PPIG: variants seen among roughly 807,000 people sequenced by gnomAD.
PPIG encodes the protein peptidylprolyl isomerase G.
In PPIG, 26 loss-of-function variants were observed where a neutral mutation model predicts 87.9. That is an observed-to-expected ratio of 0.30 (90% CI 0.22 to 0.41). PPIG has a LOEUF of 0.41. Ranked by LOEUF, PPIG falls within the 10% of genes least tolerant of loss-of-function variation. The pLI is 1.00. For missense variants in PPIG, 722 were observed against 879.4 expected, an observed-to-expected ratio of 0.82 and a Z score of 2.26; for synonymous variants, 308 against 276.5, an observed-to-expected ratio of 1.11 and a Z score of -1.13.
In PPIG at chr2:169,637,067, G is replaced by C; in HGVS notation, c.1809G>C (p.Arg603=). ...AACAGGAATACAGGAGAAGAGGACG[G>C]TCACGAAGCCGAGAGAGAAGAACAC... ...YREQEYRRRG[R]SRSRERRTPP... Residue 603 remains arginine (R), a synonymous_variant, in exon 14 of 14, where the codon CGG becomes CGC. Transcript: ENST00000260970. 6.2e-7 allele frequency: 1 copy of C among 1,613,480 alleles called. No individual in the cohort carries two copies. Among genetic ancestry groups the C allele is most frequent in the Non-Finnish European group, 8.5e-7 (1 of 1,179,816 alleles).
At position 169,636,286 on chromosome 2, in the gene PPIG, T is replaced by C; in HGVS notation, c.1154+58T>C. ...TGATAAGTGTTTGCTTTTACTATTATACATAAAGTTATTGTCATTTTAGTT... is the reference window on the plus strand; with the variant it reads ...TGATAAGTGTTTGCTTTTACTATTACACATAAAGTTATTGTCATTTTAGTT... On this transcript the variant is annotated intron_variant, in intron 13 of 13. Coordinates refer to ENST00000260970, the MANE Select transcript of PPIG (RefSeq NM_004792.3). The C allele has an allele frequency of 2.0e-6, 3 of 1,513,522 alleles. No homozygotes were observed. The South Asian group carries it at 4.1e-5, about 21-fold the overall frequency. 93.8% of individuals were successfully genotyped at this position (1,513,522 alleles called of 1,614,324 possible).
intron 7 of PPIG, among the ~76,000 whole-genome samples, chr2:169,609,732 A>G (rs1687124858): frequency 1.3e-5 from 2 of 152,182 alleles, no homozygotes; most frequent in South Asian, 2.1e-4. Flanking sequence ...ATGTCAACTA[A>G]TAAATTTAAA....
chr2:169,601,306 A>G (rs1179441749), intron 1 of PPIG, among the ~76,000 whole-genome samples: 3 of 152,204 alleles, frequency 2.0e-5, no homozygotes, highest in African/African-American at 7.2e-5. Context: ...TCATTCATTT[A>G]ATAAACACTG....
intron 1 of PPIG, among the ~76,000 whole-genome samples, chr2:169,585,981 A>G (rs1237985753): frequency 2.6e-5 from 4 of 152,140 alleles, no homozygotes; most frequent in Non-Finnish European, 2.9e-5. Flanking sequence ...AAATCGTGCT[A>G]TAAAATCCAG....
intron 9 of PPIG, among the ~76,000 whole-genome samples, chr2:169,626,477 T>G (rs1685890719): frequency 6.6e-6 from 1 of 152,102 alleles, no homozygotes. Context: ...CACTGCAACC[T>G]CCGCCTCCCA....
At chr2:169,617,002 T>G (rs530820783) in intron 9 of PPIG, among the ~76,000 whole-genome samples, 1 of 152,318 alleles carries the variant, frequency 6.6e-6, no homozygotes, top group South Asian at 2.1e-4. Flanking sequence ...AAGTCTTTAA[T>G]CTATCTCTTG....
rs1048367109 is a variant in PPIG, at chr2:169,605,036, A to G, written c.136+775A>G. 5.9e-5 allele frequency among the ~76,000 whole-genome samples: 9 copies of G among 151,798 alleles called. 1 individual carries two copies. Among genetic ancestry groups the G allele is most frequent in the Non-Finnish European group, 1.2e-4 (8 of 67,962 alleles). ...AACATGGTGAAACCCCATCTCTACTAAAAATGCAAATAATCGGCCAGGCGT... is the reference window on the plus strand; with the variant it reads ...AACATGGTGAAACCCCATCTCTACTGAAAATGCAAATAATCGGCCAGGCGT... On this transcript the variant is annotated intron_variant, in intron 4 of 13. Transcript: ENST00000260970.
chr2:169,588,139 T>G (rs1005384799), intron 1 of PPIG, among the ~76,000 whole-genome samples: 1 of 68,924 alleles, frequency 1.5e-5, no homozygotes, highest in African/African-American at 5.5e-5. Context: ...CACTCCAGCC[T>G]GGGAAACGAG....
At chr2:169,615,986 A>G (rs910663623) in intron 9 of PPIG, among the ~76,000 whole-genome samples, 4 of 152,208 alleles carry the variant, frequency 2.6e-5, no homozygotes, top group Admixed American at 1.3e-4. Context: ...TGCTAATGCT[A>G]TCCCTCCCCT....
chr2:169,615,369 C>T lies in PPIG; in HGVS notation c.547+645C>T, dbSNP rs576385213. The stretch of plus-strand genomic sequence containing the variant: ...GCCAGTGATTTTCAAGAATACAGTA[C>T]ATTGTTATTAGCTATAGTCATCATG... On this transcript the variant is annotated intron_variant, in intron 9 of 13. Transcript: ENST00000260970. 1.1e-4 allele frequency among the ~76,000 whole-genome samples: 16 copies of T among 152,240 alleles called. No homozygotes were observed. The East Asian group carries it at 2.9e-3, about 28-fold the overall frequency.
chr2:169,584,760 C>A, intron 1 of PPIG: 1 of 311,494 alleles, frequency 3.2e-6, no homozygotes, highest in South Asian at 2.5e-5. Flanking sequence ...CCCCGCCCTC[C>A]CCACTCAGGC....
chr2:169,604,011 G>T lies in PPIG; in HGVS notation c.-16-15G>T, dbSNP rs754632062. ...TATTTTAGTCTGCTTGTCTGAAACT[G>T]TATTTTACTCACAGATTAAGTATTG... On this transcript the variant is annotated splice_polypyrimidine_tract_variant and intron_variant, in intron 2 of 13. Coordinates refer to ENST00000260970, the MANE Select transcript of PPIG (RefSeq NM_004792.3). The T allele has an allele frequency of 7.5e-6, 12 of 1,602,500 alleles. No homozygotes were observed. Among genetic ancestry groups the T allele is most frequent in the Non-Finnish European group, 9.4e-6 (11 of 1,171,256 alleles).
chr2:169,623,629 GAACA>G (rs1400027564), intron 9 of PPIG, among the ~76,000 whole-genome samples: 1 of 152,136 alleles, frequency 6.6e-6, no homozygotes, highest in Admixed American at 6.6e-5. Context: ...AAGTGAAGAG[GAACA>G]CTAGAGATTC....
In PPIG at chr2:169,637,661, T is replaced by C; in HGVS notation, c.*138T>C. 2.3e-6 allele frequency: 2 copies of C among 868,060 alleles called. No individual in the cohort carries two copies. Among genetic ancestry groups the C allele is most frequent in the Non-Finnish European group, 3.3e-6 (2 of 600,702 alleles). The allele number at this position is 868,060 out of a possible 1,614,324, so 53.8% of individuals were successfully genotyped here. ...TTGTCCTTTTTTTTCTTAATGTGGA[T>C]TTCATTGAGTTGATTTTTTGATAAT... On this transcript the variant is annotated 3_prime_UTR_variant, in exon 14 of 14. Transcript: ENST00000260970.
At chr2:169,633,107 G>T in intron 11 of PPIG, 53 bp from the exon 12 acceptor site, 2 of 1,328,080 alleles carry the variant, frequency 1.5e-6, no homozygotes, top group South Asian at 1.2e-5. Flanking sequence ...AACATGTCTG[G>T]CCAACAAAAG....
rs200721961 is a variant in PPIG, at chr2:169,636,782, A to G, written c.1524A>G (p.Gly508=). The part of the protein sequence containing the change: ...KEKEKQSDSK[G]KDQERSRSKE... ...AAGAAAAGCAGTCTGATTCTAAAGG[A>G]AAAGATCAGGAAAGGAGTAGAAGTA... The change falls in exon 14 of 14, where the codon GGA becomes GGG. Residue 508 remains glycine (G), a synonymous_variant. Coordinates refer to ENST00000260970, the MANE Select transcript of PPIG (RefSeq NM_004792.3). 26 of 1,612,348 alleles carry G rather than the reference A, an allele frequency of 1.6e-5. No individual in the cohort carries two copies. The East Asian group carries it at 4.9e-4, about 30-fold the overall frequency.
At chr2:169,611,185 A>G (rs1391516841) in intron 7 of PPIG, among the ~76,000 whole-genome samples, 2 of 152,204 alleles carry the variant, frequency 1.3e-5, no homozygotes, top group Admixed American at 1.3e-4. Context: ...GCAAGACTCC[A>G]TCTCAGAAAC....
intron 12 of PPIG, among the ~76,000 whole-genome samples, chr2:169,634,425 T>C (rs1395701265): frequency 1.3e-5 from 2 of 152,116 alleles, no homozygotes; most frequent in African/African-American, 4.8e-5. Context: ...TCACACTGCA[T>C]ATACTCCTTG....
At chr2:169,618,696 G>T (rs1018377763) in intron 9 of PPIG, among the ~76,000 whole-genome samples, 7 of 152,090 alleles carry the variant, frequency 4.6e-5, no homozygotes, top group African/African-American at 1.7e-4. Flanking sequence ...GATCAGTGGT[G>T]ATCTCCCCTT....
Sources: allele counts gnomAD v4.1 joint callset (sites outside exome capture counted in the v4.1 genomes callset), GRCh38; gene constraint gnomAD v4.1.1; transcripts MANE v1.5; gene names NCBI Gene and HGNC (gene_info 2026-07-23, HGNC 2026-07-21).